The following SENP6 variants were observed in gnomAD, a reference collection of about 807,000 sequenced individuals.
SENP6 encodes sentrin-specific protease 6.
Under a neutral mutation model 134.5 loss-of-function variants are expected in SENP6, and 41 were observed. That is an observed-to-expected ratio of 0.30 (90% confidence interval 0.24 to 0.40). The LOEUF (loss-of-function observed/expected upper bound fraction) is 0.40, where lower values mean the gene tolerates loss of function less well. Ranked by LOEUF, SENP6 falls within the 10% of genes least tolerant of loss-of-function variation. SENP6 has a pLI of 1.00. For missense variants in SENP6, 1,248 were observed against 1,312.5 expected (o/e 0.95, Z 0.76); for synonymous variants, 395 against 429.8 (o/e 0.92, Z 1.00).
chr6:75,651,028 T>G (rs1770820827), intron 7 of SENP6, among the ~76,000 whole-genome samples: 1 of 152,210 alleles, frequency 6.6e-6, no homozygotes, highest in Non-Finnish European at 1.5e-5. Context: ...TGATAAGCAG[T>G]TCTTTACTAT....
At chr6:75,683,659 T>G (rs1439670744) in intron 16 of SENP6, among the ~76,000 whole-genome samples, 1 of 149,760 alleles carries the variant, frequency 6.7e-6, no homozygotes, top group Non-Finnish European at 1.5e-5. Context: ...AGGGAATCCT[T>G]TCCCCGTTTC....
chr6:75,659,401 T>C lies in SENP6; in HGVS notation c.690T>C (p.His230=), dbSNP rs746274355. ...CTGCTTCAAAAAAATGTTTAACCCA[T>C]TTAGAGGTAAGTAGAGAAATTATTC... is the stretch of plus-strand genomic sequence containing the variant. ...LSPASKKCLT[H]LEDLQRNCRQ... The change falls in exon 8 of 24, where the codon CAT becomes CAC. Residue 230 remains histidine, a synonymous_variant. Transcript: ENST00000447266. The C allele has an allele frequency of 6.2e-7, 1 of 1,606,886 alleles. No individual in the cohort carries two copies. Among genetic ancestry groups the C allele is most frequent in the Non-Finnish European group, 8.5e-7 (1 of 1,174,988 alleles).
chr6:75,658,157 G>C (rs1010423623), intron 7 of SENP6, among the ~76,000 whole-genome samples: 1 of 152,050 alleles, frequency 6.6e-6, no homozygotes, highest in Admixed American at 6.6e-5. Flanking sequence ...AAGTAAAGAT[G>C]AAGGGACAAG....
chr6:75,662,031 A>G (rs1046048222), intron 8 of SENP6, among the ~76,000 whole-genome samples: 1 of 152,140 alleles, frequency 6.6e-6, no homozygotes, highest in African/African-American at 2.4e-5. Context: ...CAGCCTGGGC[A>G]ACAAGAGTGA....
At chr6:75,710,761 A>G (rs1179306063) in intron 20 of SENP6, among the ~76,000 whole-genome samples, 1 of 152,184 alleles carries the variant, frequency 6.6e-6, no homozygotes. Flanking sequence ...TCAAAGAACA[A>G]CAATGACCAA....
intron 8 of SENP6, 74 bp from the exon 9 acceptor site, chr6:75,663,147 G>A (rs934223625): frequency 3.4e-5 from 47 of 1,368,882 alleles, no homozygotes; most frequent in Middle Eastern, 3.8e-4. Context: ...TATGAACACC[G>A]TGAATGTTCA....
chr6:75,685,236 G>A (rs1773744763), intron 16 of SENP6, among the ~76,000 whole-genome samples: 1 of 152,116 alleles, frequency 6.6e-6, no homozygotes, highest in African/African-American at 2.4e-5. Flanking sequence ...GATCAGTGGT[G>A]ATATCCCCTT....
intron 1 of SENP6, among the ~76,000 whole-genome samples, chr6:75,621,277 C>T (rs1467174560): frequency 1.3e-5 from 2 of 152,120 alleles, no homozygotes; most frequent in Non-Finnish European, 2.9e-5. Flanking sequence ...ATGTGCCCTC[C>T]GTTTTTATTA....
intron 7 of SENP6, among the ~76,000 whole-genome samples, chr6:75,657,651 G>T (rs1043048414): frequency 1.3e-5 from 2 of 152,160 alleles, no homozygotes; most frequent in African/African-American, 4.8e-5. Flanking sequence ...GTTTCTAGAT[G>T]CTGGGAAAAC....
intron 4 of SENP6, 42 bp from the exon 5 acceptor site, chr6:75,634,661 ATAAT>A: frequency 9.1e-7 from 1 of 1,094,636 alleles, no homozygotes; most frequent in South Asian, 1.5e-5. Context: ...AAATGTGTAT[ATAAT>A]TTTTCCGTGT....
chr6:75,684,425 C>A (rs1773685116), intron 16 of SENP6, among the ~76,000 whole-genome samples: 1 of 152,168 alleles, frequency 6.6e-6, no homozygotes. Context: ...CCAGAACTTC[C>A]AACACTATGT....
In SENP6 at chr6:75,706,865, A is replaced by G. The variant is rs201222975; in HGVS notation, c.2717-2662A>G. ...GGAAATAACAATGTGTGGAATCACT[A>G]CTTTCACTTGCTGTTTTTTCACTTG... On this transcript the variant is annotated intron_variant, in intron 19 of 23. Coordinates refer to ENST00000447266, the MANE Select transcript of SENP6 (RefSeq NM_015571.4). Among the ~76,000 whole-genome samples the G allele has an allele frequency of 7.2e-5, 11 of 152,376 alleles. No individual in the cohort carries two copies. The East Asian group carries it at 1.3e-3, about 19-fold the overall frequency.
intron 11 of SENP6, among the ~76,000 whole-genome samples, chr6:75,674,537 G>A (rs1033615769): frequency 6.6e-6 from 1 of 152,046 alleles, no homozygotes; most frequent in Non-Finnish European, 1.5e-5. Context: ...TGGCCATGCT[G>A]GTCTTAAACT....
intron 11 of SENP6, among the ~76,000 whole-genome samples, chr6:75,673,319 C>CCT: frequency 8.6e-6 from 1 of 116,956 alleles, no homozygotes; most frequent in Non-Finnish European, 1.7e-5. Flanking sequence ...CCAATGTCTA[C>CCT]TTTTTTTTTT....
rs199528219 is a variant in SENP6, at chr6:75,670,636, C to T, written c.1308C>T (p.Cys436=). ...QEPPDALALS[C]QSSFDSVILN... ...CTCCAGATGCTTTAGCTTTAAGCTG[C>T]CAAAGTTCCTTTGACAGTGTCATTT... The change falls in exon 11 of 24, where the codon TGC becomes TGT. Residue 436 remains cysteine, a synonymous_variant. Transcript: ENST00000447266. 1.7e-5 allele frequency: 27 copies of T among 1,612,974 alleles called. No homozygotes were observed. The African/African-American group carries it at 3.3e-4, about 20-fold the overall frequency.
Position 75,627,260 on chromosome 6 carries a change from C to A in SENP6, c.207+3300C>A, listed in dbSNP as rs1768769781. 2.6e-5 allele frequency among the ~76,000 whole-genome samples: 4 copies of A among 152,240 alleles called. No homozygotes were observed. The South Asian group carries it at 8.3e-4, about 32-fold the overall frequency. ...TACAGGCGTGAGCCACTGTGCCTGT[C>A]CTGAGGAAATTATTGAATTTGATGT... On this transcript the variant is annotated intron_variant, in intron 3 of 23. Coordinates refer to ENST00000447266, the MANE Select transcript of SENP6 (RefSeq NM_015571.4).
At chr6:75,660,369 G>C (rs1009071647) in intron 8 of SENP6, among the ~76,000 whole-genome samples, 1 of 152,174 alleles carries the variant, frequency 6.6e-6, no homozygotes, top group Non-Finnish European at 1.5e-5. Context: ...TCTAACATGA[G>C]CTAGAAGTAT....
intron 1 of SENP6, among the ~76,000 whole-genome samples, chr6:75,610,558 A>G (rs73753515): frequency 2.9e-4 from 44 of 152,188 alleles, no homozygotes; most frequent in African/African-American, 1.0e-3. Context: ...TTTTTTGTCT[A>G]CCTTAGGGTT....
intron 1 of SENP6, among the ~76,000 whole-genome samples, chr6:75,617,007 C>T (rs554979625): frequency 6.6e-6 from 1 of 152,010 alleles, no homozygotes; most frequent in Non-Finnish European, 1.5e-5. Flanking sequence ...TCCTGAGTAG[C>T]TGGTACTACA....
Sources: gnomAD v4.1 joint callset for allele counts (sites outside exome capture counted in the v4.1 genomes callset) on GRCh38, gnomAD v4.1.1 for gene constraint, MANE v1.5 for transcripts, NCBI Gene and HGNC (gene_info 2026-07-23, HGNC 2026-07-21) for gene names.